GAB1: variants seen among roughly 807,000 people sequenced by gnomAD.
GAB1 encodes the protein GRB2-associated-binding protein 1.
GAB1 carries 19 observed loss-of-function variants against 66.5 expected under a neutral mutation model. That is an observed-to-expected ratio of 0.29 (90% CI 0.20 to 0.42). The LOEUF is 0.42. GAB1 is among the 10% of genes least tolerant of loss of function. The pLI is 1.00. For missense variants in GAB1, 732 were observed against 858.5 expected (o/e 0.85, Z 1.84); for synonymous variants, 294 against 301.4 (o/e 0.98, Z 0.25).
chr4:143,468,924 A>AG, intron 9 of GAB1, 107 bp from the exon 10 acceptor site: 1 of 583,664 alleles, frequency 1.7e-6, no homozygotes. Flanking sequence ...ACTCCTTCTC[A>AG]AAAAAAAAAA....
rs1342711610 is a variant in GAB1 at position 143,472,471 on chromosome 4, A to G, written c.*3282A>G. The stretch of plus-strand genomic sequence containing the variant: ...TGTTTTTCTTTTTCTACTTATGGGA[A>G]GTTGTCTGCTTCCCCCTTTAGAGAA... On this transcript the variant is annotated 3_prime_UTR_variant, in exon 10 of 10. Coordinates refer to ENST00000262994, the MANE Select transcript of GAB1 (RefSeq NM_002039.4). 1 of 152,154 alleles carries G rather than the reference A, an allele frequency of 6.6e-6. No individual in the cohort carries two copies. Among genetic ancestry groups the G allele is most frequent in the African/African-American group, 2.4e-5 (1 of 41,438 alleles). The allele number at this position is 152,154 out of a possible 1,614,324, so 9.4% of individuals were successfully genotyped here.
intron 1 of GAB1, among the ~76,000 whole-genome samples, chr4:143,411,298 C>T (rs1732377341): frequency 6.6e-6 from 1 of 152,148 alleles, no homozygotes; most frequent in Admixed American, 6.5e-5. Flanking sequence ...TAACTGTTGA[C>T]TTCTTGTTAA....
intron 1 of GAB1, among the ~76,000 whole-genome samples, chr4:143,382,914 G>GT (rs1426734753): frequency 1.3e-5 from 2 of 152,100 alleles, no homozygotes; most frequent in African/African-American, 2.4e-5. Context: ...GGATTTTTAT[G>GT]TTTTTTGTAA....
intron 1 of GAB1, among the ~76,000 whole-genome samples, chr4:143,371,298 A>G (rs562151717): frequency 1.3e-5 from 2 of 152,278 alleles, no homozygotes; most frequent in South Asian, 2.1e-4. Flanking sequence ...TCTGATGGCC[A>G]GTGATGATGA....
At chr4:143,457,794 G>C (rs377421639) in intron 6 of GAB1, 8 of 1,162,974 alleles carry the variant, frequency 6.9e-6, no homozygotes, top group African/African-American at 6.4e-5. Flanking sequence ...ACCGCATGCT[G>C]TATGGGGCAT....
chr4:143,337,068 C>T lies in GAB1; in HGVS notation c.-121C>T, dbSNP rs1056722365. The T allele has an allele frequency of 2.5e-6, 2 of 814,092 alleles. No individual in the cohort carries two copies. Among genetic ancestry groups the T allele is most frequent in the African/African-American group, 1.8e-5 (1 of 56,160 alleles). 50.4% of individuals were successfully genotyped at this position (814,092 alleles called of 1,614,324 possible). A position where few individuals can be genotyped will look rare whatever the true frequency, so the allele number is the denominator to read the frequency against. On this transcript the variant is annotated 5_prime_UTR_variant, in exon 1 of 10. Coordinates refer to ENST00000262994, the MANE Select transcript of GAB1 (RefSeq NM_002039.4). ...CGTGGAGTCTGTCCGCCCAGTCCGT[C>T]CGGGGTGCGCGACCAGGAGAGCTAG...
intron 1 of GAB1, among the ~76,000 whole-genome samples, chr4:143,354,839 A>C (rs1320578591): frequency 6.6e-6 from 1 of 152,228 alleles, no homozygotes; most frequent in Non-Finnish European, 1.5e-5. Flanking sequence ...ACTCTTTTAT[A>C]GTAGCTTTTA....
intron 1 of GAB1, chr4:143,395,257 A>G (rs1011516445): frequency 6.6e-6 from 1 of 152,196 alleles, no homozygotes; most frequent in Non-Finnish European, 1.5e-5. Context: ...GCTGAGGTAG[A>G]CAGTTTTGTT....
chr4:143,366,623 C>A (rs1347743209), intron 1 of GAB1, among the ~76,000 whole-genome samples: 1 of 152,022 alleles, frequency 6.6e-6, no homozygotes, highest in Admixed American at 6.6e-5. Context: ...CTCACTATCA[C>A]CTCATATACA....
chr4:143,461,091 G>A (rs1315887947), intron 8 of GAB1, among the ~76,000 whole-genome samples: 1 of 152,134 alleles, frequency 6.6e-6, no homozygotes, highest in East Asian at 1.9e-4. Flanking sequence ...TGAGCATTTT[G>A]TTCCTCATAA....
chr4:143,444,033 A>G (rs942853001), intron 6 of GAB1, among the ~76,000 whole-genome samples: 3 of 152,194 alleles, frequency 2.0e-5, no homozygotes, highest in African/African-American at 7.2e-5. Context: ...TATTTTAAGC[A>G]TACTGTATTA....
chr4:143,380,162 T>C (rs1730598287), intron 1 of GAB1, among the ~76,000 whole-genome samples: 1 of 151,486 alleles, frequency 6.6e-6, no homozygotes, highest in South Asian at 2.1e-4. Context: ...GGCCTCAGTT[T>C]TTTTATTCAT....
intron 9 of GAB1, among the ~76,000 whole-genome samples, 154 bp from the exon 10 acceptor site, chr4:143,468,877 C>T (rs536398305): frequency 1.1e-4 from 16 of 151,956 alleles, no homozygotes; most frequent in Non-Finnish European, 1.6e-4. Context: ...GAGCTGAGAT[C>T]GCACCACTGC....
intron 1 of GAB1, chr4:143,395,640 T>A (rs1436850855): frequency 7.3e-6 from 2 of 273,132 alleles, no homozygotes; most frequent in Non-Finnish European, 7.2e-6. Context: ...CTCCCTAAAA[T>A]GTTTGTGAGA....
chr4:143,422,124 G>A (rs184398183), intron 2 of GAB1, among the ~76,000 whole-genome samples: 27 of 152,226 alleles, frequency 1.8e-4, no homozygotes, highest in African/African-American at 6.3e-4. Flanking sequence ...TGTATTTAGA[G>A]TAAGAAAATG....
At chr4:143,435,924 C>G (rs1438374461) in intron 3 of GAB1, among the ~76,000 whole-genome samples, 1 of 152,140 alleles carries the variant, frequency 6.6e-6, no homozygotes, top group African/African-American at 2.4e-5. Flanking sequence ...CTGGTTATGC[C>G]TTCATATCTT....
chr4:143,376,558 A>C (rs1217146751), intron 1 of GAB1, among the ~76,000 whole-genome samples: 1 of 152,214 alleles, frequency 6.6e-6, no homozygotes. Context: ...TTTTTCAAAA[A>C]ATGACTTGCT....
At chr4:143,457,972 A>G (rs1487995286) in intron 6 of GAB1, among the ~76,000 whole-genome samples, 2 of 152,136 alleles carry the variant, frequency 1.3e-5, no homozygotes, top group African/African-American at 4.8e-5. Flanking sequence ...AGCATGTTAA[A>G]TATTTGATAA....
At chr4:143,451,946 G>A (rs1488476395) in intron 6 of GAB1, among the ~76,000 whole-genome samples, 3 of 151,944 alleles carry the variant, frequency 2.0e-5, no homozygotes, top group Non-Finnish European at 4.4e-5. Flanking sequence ...TGGTGTGAAT[G>A]TCTGAAGCAC....
Sources: gnomAD v4.1 joint callset for allele counts (sites outside exome capture counted in the v4.1 genomes callset) on GRCh38, gnomAD v4.1.1 for gene constraint, MANE v1.5 for transcripts, NCBI Gene and HGNC (gene_info 2026-07-23, HGNC 2026-07-21) for gene names.